Variants in TAMM41 observed in about 807,000 individuals in gnomAD.
TAMM41 encodes phosphatidate cytidylyltransferase, mitochondrial.
In TAMM41, 36 loss-of-function variants were observed where a neutral mutation model predicts 44.1. The observed-to-expected ratio is 0.82, with a 90% CI of 0.63 to 1.08. The LOEUF is 1.08. Among genes scored for constraint, TAMM41 ranks in the 50% least tolerant of loss-of-function variants. The pLI, the probability that TAMM41 is intolerant of heterozygous loss-of-function variation, is 0.00. For synonymous variants in TAMM41, 164 were observed against 153.1 expected, an observed-to-expected ratio of 1.07 and a Z score of -0.53; for missense variants, 417 against 404.3, an observed-to-expected ratio of 1.03 and a Z score of -0.27.
intron 7 of TAMM41, among the ~76,000 whole-genome samples, chr3:11,805,166 T>G (rs1159067840): frequency 6.6e-6 from 1 of 152,080 alleles, no homozygotes; most frequent in Non-Finnish European, 1.5e-5. Flanking sequence ...CACGCCCAGC[T>G]AATTTTTTGT....
At chr3:11,775,535 TAA>T in the TAMM41 span, among the ~76,000 whole-genome samples, 2 of 152,204 alleles carry the variant, frequency 1.3e-5, no homozygotes, top group African/African-American at 4.8e-5. Flanking sequence ...TGAGTTTAAA[TAA>T]AGTCACGCCA....
the TAMM41 span, among the ~76,000 whole-genome samples, chr3:11,755,790 G>A: frequency 1.3e-5 from 2 of 152,040 alleles, no homozygotes; most frequent in South Asian, 2.1e-4. Context: ...TTCCAGAACC[G>A]GCTCTTACAC....
chr3:11,775,361 C>T, the TAMM41 span, among the ~76,000 whole-genome samples: 239 of 152,326 alleles, frequency 1.6e-3, 6 homozygotes, highest in East Asian at 0.037. Context: ...ACATTCCCCG[C>T]CACCACCCTG....
Position 11,804,488 on chromosome 3 carries a change from A to AT in TAMM41, c.937+3344dup, listed in dbSNP as rs896318038. Among the ~76,000 whole-genome samples the AT allele has an allele frequency of 3.9e-5, 6 of 152,336 alleles. 1 individual carries two copies. The highest frequency in any genetic ancestry group is 2.1e-4 in the South Asian group (1 of 4,828). On this transcript the variant is annotated intron_variant, in intron 7 of 7. Transcript: ENST00000455809. ...AGTATGCATCTCTAAAAGAAAGGGA[A>AT]TTTTTTAAAAAGCTCCATAACACCA...
chr3:11,748,990 G>A, the TAMM41 span, among the ~76,000 whole-genome samples: 1 of 143,562 alleles, frequency 7.0e-6, no homozygotes, highest in Non-Finnish European at 1.5e-5. Flanking sequence ...TTGGCTCACT[G>A]CAACCTCTGC....
chr3:11,791,991 G>T (rs938167470), intron 7 of TAMM41, among the ~76,000 whole-genome samples: 1 of 152,066 alleles, frequency 6.6e-6, no homozygotes, highest in African/African-American at 2.4e-5. Flanking sequence ...CCAACCAAAA[G>T]ACCAAGCCGA....
At chr3:11,829,387 G>T (rs1345062767) in intron 4 of TAMM41, among the ~76,000 whole-genome samples, 4 of 152,178 alleles carry the variant, frequency 2.6e-5, no homozygotes, top group Admixed American at 2.6e-4. Flanking sequence ...AACAAATATG[G>T]TGCAATGTTA....
At chr3:11,750,462 C>T in the TAMM41 span, among the ~76,000 whole-genome samples, 2 of 151,986 alleles carry the variant, frequency 1.3e-5, no homozygotes, top group African/African-American at 2.4e-5. Flanking sequence ...GCGCATACCA[C>T]CATGTGCGGC....
the TAMM41 span, among the ~76,000 whole-genome samples, chr3:11,728,528 T>G: frequency 6.6e-6 from 1 of 152,250 alleles, no homozygotes; most frequent in Non-Finnish European, 1.5e-5. Flanking sequence ...ATTAATCCTC[T>G]TCCTTTCTTT....
the TAMM41 span, among the ~76,000 whole-genome samples, chr3:11,746,162 G>A: frequency 7.2e-5 from 11 of 152,114 alleles, no homozygotes; most frequent in African/African-American, 2.7e-4. Flanking sequence ...TTAGTCAGGA[G>A]TGGTGGTGGG....
chr3:11,796,406 A>G (rs1466622659), intron 7 of TAMM41, among the ~76,000 whole-genome samples: 1 of 152,214 alleles, frequency 6.6e-6, no homozygotes, highest in Non-Finnish European at 1.5e-5. Flanking sequence ...GAAGAAATGA[A>G]TAATTCAGAA....
chr3:11,796,819 A>G (rs1184553694), intron 7 of TAMM41, among the ~76,000 whole-genome samples: 2 of 152,222 alleles, frequency 1.3e-5, no homozygotes, highest in Non-Finnish European at 2.9e-5. Flanking sequence ...AAGTCTCAGG[A>G]TACAAAAATC....
the TAMM41 span, among the ~76,000 whole-genome samples, chr3:11,725,615 T>C: frequency 8.1e-4 from 123 of 152,132 alleles, no homozygotes; most frequent in Non-Finnish European, 1.4e-3. Context: ...ACTTTTTGTA[T>C]TTTTAGTAGC....
chr3:11,767,633 T>TTTTTTTTTTTTTTTTTTTTG, the TAMM41 span, among the ~76,000 whole-genome samples: 1 of 113,692 alleles, frequency 8.8e-6, no homozygotes, highest in Admixed American at 8.5e-5. Context: ...TGCATTTTTT[T>TTTTTTTTTTTTTTTTTTTTG]TTTTTTTTTT....
intron 4 of TAMM41, among the ~76,000 whole-genome samples, chr3:11,822,571 C>G (rs2078565751): frequency 1.3e-5 from 2 of 152,146 alleles, no homozygotes; most frequent in South Asian, 4.1e-4. Flanking sequence ...CAATGGAGAT[C>G]CAGGTTGGAT....
At chr3:11,752,175 G>C in the TAMM41 span, among the ~76,000 whole-genome samples, 1 of 152,110 alleles carries the variant, frequency 6.6e-6, no homozygotes. Flanking sequence ...GGTGTGTCCG[G>C]AGTTTCTTCC....
At chr3:11,789,426 T>C (rs115798163), downstream of TAMM41, among the ~76,000 whole-genome samples, 488 of 152,258 alleles carry the variant, frequency 3.2e-3, 4 homozygotes, top group Middle Eastern at 0.037. Context: ...CAAGCTGAGG[T>C]TCAATCAAAT....
chr3:11,746,108 G>T, the TAMM41 span, among the ~76,000 whole-genome samples: 3 of 152,094 alleles, frequency 2.0e-5, no homozygotes, highest in African/African-American at 7.2e-5. Flanking sequence ...AGACCATCCT[G>T]GCTAACACAG....
intron 7 of TAMM41, among the ~76,000 whole-genome samples, chr3:11,803,393 A>C (rs528915687): frequency 3.9e-5 from 6 of 152,120 alleles, no homozygotes; most frequent in Non-Finnish European, 8.8e-5. Flanking sequence ...CTGTCTCACA[A>C]AAAAAAACAA....
Sources: allele counts gnomAD v4.1 joint callset (sites outside exome capture counted in the v4.1 genomes callset), GRCh38; gene constraint gnomAD v4.1.1; transcripts MANE v1.5; gene names NCBI Gene and HGNC (gene_info 2026-07-23, HGNC 2026-07-21).